The following AKR1C8 variants were observed in gnomAD, a reference collection of about 807,000 sequenced individuals.
The protein encoded by AKR1C8 is aldo-keto reductase family 1 member C-like protein 1.
At chr10:5,178,479 G>A in the AKR1C8 span, among the ~76,000 whole-genome samples, 18 of 152,300 alleles carry the variant, frequency 1.2e-4, no homozygotes, top group East Asian at 3.1e-3. Context: ...GGAGAGTTCT[G>A]TAGATGTCTA....
the AKR1C8 span, chr10:5,160,774 A>T: frequency 2.1e-6 from 1 of 468,744 alleles, no homozygotes; most frequent in African/African-American, 2.0e-5. Flanking sequence ...TTCCAACCTC[A>T]CTACACAGTG....
the AKR1C8 span, among the ~76,000 whole-genome samples, chr10:5,125,463 C>T: frequency 6.6e-6 from 1 of 152,114 alleles, no homozygotes; most frequent in Non-Finnish European, 1.5e-5. Context: ...AACCAGAATA[C>T]CTCCCCTAGG....
chr10:5,177,910 T>C, the AKR1C8 span, among the ~76,000 whole-genome samples: 2 of 152,230 alleles, frequency 1.3e-5, no homozygotes, highest in South Asian at 2.1e-4. Flanking sequence ...ATAAATTTTG[T>C]TGATCCTTTC....
chr10:5,139,097 AG>A, the AKR1C8 span, among the ~76,000 whole-genome samples: 1 of 152,200 alleles, frequency 6.6e-6, no homozygotes, highest in Admixed American at 6.5e-5. Flanking sequence ...CCAACTTACA[AG>A]GGATGTGAAG....
chr10:5,146,796 G>T, the AKR1C8 span, among the ~76,000 whole-genome samples: 3 of 152,298 alleles, frequency 2.0e-5, 1 homozygote, highest in South Asian at 6.2e-4. Flanking sequence ...TCTTGGTCAT[G>T]AAATCATTGC....
chr10:5,128,552 A>G, the AKR1C8 span, among the ~76,000 whole-genome samples: 1 of 152,120 alleles, frequency 6.6e-6, no homozygotes, highest in Non-Finnish European at 1.5e-5. Context: ...CACCTAACAC[A>G]TAAAGATTTG....
chr10:5,127,616 G>T, the AKR1C8 span, among the ~76,000 whole-genome samples: 1 of 137,456 alleles, frequency 7.3e-6, no homozygotes. Flanking sequence ...CTACTCAGGA[G>T]CCTGAGTCAG....
chr10:5,118,737 A>G, the AKR1C8 span, among the ~76,000 whole-genome samples: 4 of 152,132 alleles, frequency 2.6e-5, no homozygotes, highest in Admixed American at 2.6e-4. Context: ...TGGTTCTCTT[A>G]TTAATCTGCC....
At chr10:5,151,444 CAAG>C in the AKR1C8 span, among the ~76,000 whole-genome samples, 1,254 of 152,054 alleles carry the variant, frequency 8.2e-3, 15 homozygotes, top group African/African-American at 0.028. Flanking sequence ...CATGAGTGAA[CAAG>C]AAGAGCTTGG....
At chr10:5,143,591 C>A in the AKR1C8 span, among the ~76,000 whole-genome samples, 1 of 151,728 alleles carries the variant, frequency 6.6e-6, no homozygotes, top group Non-Finnish European at 1.5e-5. Flanking sequence ...CCTGTTCATA[C>A]ATAAAATCAT....
the AKR1C8 span, among the ~76,000 whole-genome samples, chr10:5,184,227 C>T: frequency 1.3e-5 from 2 of 152,144 alleles, no homozygotes; most frequent in South Asian, 4.1e-4. Context: ...CTAGACCTGA[C>T]CTCATAGTTA....
At chr10:5,159,976 TA>T in the AKR1C8 span, 3 of 478,882 alleles carry the variant, frequency 6.3e-6, no homozygotes, top group South Asian at 4.6e-5. Flanking sequence ...TGGACCTGGT[TA>T]AACCTGCTTC....
At chr10:5,123,151 C>G in the AKR1C8 span, 1 of 157,416 alleles carries the variant, frequency 6.4e-6, no homozygotes, top group Non-Finnish European at 1.5e-5. Flanking sequence ...GTACAGAAAG[C>G]ATTTGTGCAT....
At chr10:5,124,113 T>A in the AKR1C8 span, among the ~76,000 whole-genome samples, 4,763 of 152,200 alleles carry the variant, frequency 0.031, 252 homozygotes, top group African/African-American at 0.11. Context: ...AGCTCTGGGA[T>A]AGGGTAGGAT....
At chr10:5,135,532 T>G in the AKR1C8 span, among the ~76,000 whole-genome samples, 1 of 151,964 alleles carries the variant, frequency 6.6e-6, no homozygotes, top group East Asian at 1.9e-4. Context: ...TCTATCTATC[T>G]GGCTATCTAT....
At chr10:5,128,497 T>C in the AKR1C8 span, among the ~76,000 whole-genome samples, 1 of 152,102 alleles carries the variant, frequency 6.6e-6, no homozygotes, top group African/African-American at 2.4e-5. Flanking sequence ...AATGGCAGAA[T>C]GGATAATAAA....
At chr10:5,178,236 T>C in the AKR1C8 span, among the ~76,000 whole-genome samples, 1 of 152,242 alleles carries the variant, frequency 6.6e-6, no homozygotes, top group African/African-American at 2.4e-5. Flanking sequence ...TTTCGTTATG[T>C]ACCCAGTAGT....
chr10:5,176,935 T>C, the AKR1C8 span, among the ~76,000 whole-genome samples: 99 of 152,324 alleles, frequency 6.5e-4, 1 homozygote, highest in South Asian at 0.02. Context: ...CAGGGATAAT[T>C]TGACTTCCTC....
the AKR1C8 span, among the ~76,000 whole-genome samples, chr10:5,160,627 A>G: frequency 1.3e-5 from 2 of 152,196 alleles, no homozygotes; most frequent in African/African-American, 2.4e-5. Flanking sequence ...AGTTACAATT[A>G]AAATGAACTG....
Sources: gnomAD v4.1 joint callset for allele counts (sites outside exome capture counted in the v4.1 genomes callset) on GRCh38, gnomAD v4.1.1 for gene constraint, MANE v1.5 for transcripts, NCBI Gene and HGNC (gene_info 2026-07-23, HGNC 2026-07-21) for gene names.